Variants in NRCAM observed in about 807,000 individuals in gnomAD.
The protein encoded by NRCAM is neuronal cell adhesion molecule, also known as NgCAM-related cell adhesion molecule.
A neutral mutation model predicts 156.5 loss-of-function variants in NRCAM; 83 were observed. That is an observed-to-expected ratio of 0.53 (90% CI 0.44 to 0.64). The LOEUF (loss-of-function observed/expected upper bound fraction) is 0.64. NRCAM is among the 30% of genes least tolerant of loss of function. The probability of loss-of-function intolerance (pLI) is 0.00; values close to 1 mark genes in which losing one functional copy is unlikely to be tolerated. For missense variants in NRCAM, 1,417 were observed against 1,597.3 expected, an observed-to-expected ratio of 0.89 and a Z score of 1.92; for synonymous variants, 538 against 563.9, an observed-to-expected ratio of 0.95 and a Z score of 0.65.
chr7:108,392,966 G>C (rs190179508), intron 2 of NRCAM, among the ~76,000 whole-genome samples: 2 of 152,296 alleles, frequency 1.3e-5, no homozygotes, highest in East Asian at 3.9e-4. Context: ...TGGGGTGTCA[G>C]TCTGCCCCTA....
intron 2 of NRCAM, among the ~76,000 whole-genome samples, chr7:108,361,379 G>A (rs1253168228): frequency 6.6e-6 from 1 of 152,082 alleles, no homozygotes; most frequent in Non-Finnish European, 1.5e-5. Flanking sequence ...TGGATATTTT[G>A]GGATTAAATT....
intron 2 of NRCAM, among the ~76,000 whole-genome samples, chr7:108,355,865 G>A (rs746293932): frequency 1.3e-5 from 2 of 152,036 alleles, no homozygotes; most frequent in Non-Finnish European, 2.9e-5. Flanking sequence ...TACTCACCTC[G>A]CTTCATCACA....
intron 1 of NRCAM, among the ~76,000 whole-genome samples, chr7:108,426,297 G>C (rs1817197924): frequency 6.6e-6 from 1 of 152,184 alleles, no homozygotes; most frequent in Non-Finnish European, 1.5e-5. Flanking sequence ...ATGTTACATG[G>C]GGACAATAAA....
intron 3 of NRCAM, among the ~76,000 whole-genome samples, chr7:108,285,375 CA>C (rs149337275): frequency 0.014 from 2,123 of 152,254 alleles, 45 homozygotes; most frequent in African/African-American, 0.048. Flanking sequence ...CTGGCTCTAT[CA>C]GGGGGTACTA....
intron 1 of NRCAM, among the ~76,000 whole-genome samples, chr7:108,404,528 G>A (rs747517309): frequency 5.3e-5 from 8 of 152,140 alleles, no homozygotes; most frequent in Non-Finnish European, 1.2e-4. Flanking sequence ...ATCATAGCTA[G>A]TAGGTGGCAA....
At chr7:108,252,464 G>C (rs1043974562) in intron 3 of NRCAM, among the ~76,000 whole-genome samples, 2 of 152,192 alleles carry the variant, frequency 1.3e-5, no homozygotes, top group African/African-American at 4.8e-5. Context: ...GCCTTGCAGA[G>C]AAAACAGTTT....
intron 2 of NRCAM, among the ~76,000 whole-genome samples, chr7:108,351,553 T>C (rs374655619): frequency 6.6e-6 from 1 of 152,174 alleles, no homozygotes; most frequent in Non-Finnish European, 1.5e-5. Flanking sequence ...CCACTGAGTA[T>C]AAGATTTGGG....
At chr7:108,164,233 G>C (rs549884903) in intron 30 of NRCAM, among the ~76,000 whole-genome samples, 1 of 149,664 alleles carries the variant, frequency 6.7e-6, no homozygotes, top group African/African-American at 2.5e-5. Flanking sequence ...ACCAGGTGGG[G>C]TGGGGTAATG....
chr7:108,211,459 T>C lies in NRCAM; in HGVS notation c.891-1854A>G, dbSNP rs145235392. Among the ~76,000 whole-genome samples the C allele has an allele frequency of 1.8e-3, 281 of 152,318 alleles. 9 individuals carry two copies. In the East Asian group the frequency reaches 0.045, roughly 25 times the overall value. ...GGGGAAGAACTAAGCCCTTTTCTTT[T>C]GCCGCTGGGAGGTGGATAGTCTGGG... On this transcript the variant is annotated intron_variant, in intron 11 of 32. Transcript: ENST00000379028.
At chr7:108,308,321 A>G (rs2098749090) in intron 3 of NRCAM, among the ~76,000 whole-genome samples, 1 of 152,212 alleles carries the variant, frequency 6.6e-6, no homozygotes, top group Non-Finnish European at 1.5e-5. Flanking sequence ...TCTGATTCTA[A>G]TAATCCCAGA....
At chr7:108,295,246 T>G (rs1468107262) in intron 3 of NRCAM, among the ~76,000 whole-genome samples, 1 of 152,218 alleles carries the variant, frequency 6.6e-6, no homozygotes, top group Non-Finnish European at 1.5e-5. Context: ...TATGTTAACT[T>G]TTTTACACCT....
intron 3 of NRCAM, among the ~76,000 whole-genome samples, chr7:108,290,806 C>T (rs989539956): frequency 7.9e-5 from 12 of 152,174 alleles, no homozygotes; most frequent in African/African-American, 2.9e-4. Context: ...TCTATTCTTT[C>T]AGGGTTCTGA....
At chr7:108,334,942 A>G (rs1234105263) in intron 2 of NRCAM, among the ~76,000 whole-genome samples, 1 of 152,230 alleles carries the variant, frequency 6.6e-6, no homozygotes, top group Non-Finnish European at 1.5e-5. Flanking sequence ...TCTTTATATT[A>G]TATTAAGACA....
chr7:108,334,882 A>T (rs1333968958), intron 2 of NRCAM, among the ~76,000 whole-genome samples: 3 of 152,260 alleles, frequency 2.0e-5, no homozygotes, highest in Non-Finnish European at 4.4e-5. Flanking sequence ...AAGATGAGAA[A>T]TGAGAACTAA....
chr7:108,194,662 T>G (rs771002295), intron 15 of NRCAM, among the ~76,000 whole-genome samples: 6 of 152,192 alleles, frequency 3.9e-5, no homozygotes, highest in Admixed American at 6.5e-5. Flanking sequence ...TCTGTTACCT[T>G]CACTAGGAAA....
intron 2 of NRCAM, among the ~76,000 whole-genome samples, chr7:108,349,828 C>T (rs1053144832): frequency 1.3e-5 from 2 of 152,104 alleles, no homozygotes; most frequent in African/African-American, 4.8e-5. Flanking sequence ...GAGGTCATAG[C>T]GATCATTTAA....
At chr7:108,232,610 A>G in intron 6 of NRCAM, 88 bp from the exon 7 acceptor site, 1 of 857,512 alleles carries the variant, frequency 1.2e-6, no homozygotes. Context: ...ATGGGTTTCT[A>G]GAAATAATTA....
intron 11 of NRCAM, among the ~76,000 whole-genome samples, chr7:108,210,981 T>C (rs187318912): frequency 3.3e-5 from 5 of 152,212 alleles, no homozygotes; most frequent in African/African-American, 1.2e-4. Context: ...CAGAGCAGCA[T>C]GTGGAGGCTT....
rs533836468 is a variant in NRCAM at position 108,287,674 on chromosome 7, C to T, written c.-107+24991G>A. On this transcript the variant is annotated intron_variant, in intron 3 of 32. Transcript: ENST00000379028. ...ATAACACATGAGATACCATCTAACA[C>T]CCAGTCAGAATGGCTATTATTAAAA... 9.9e-5 allele frequency among the ~76,000 whole-genome samples: 15 copies of T among 151,820 alleles called. No individual in the cohort carries two copies. The South Asian group carries it at 3.1e-3, about 32-fold the overall frequency.
Sources: allele counts gnomAD v4.1 joint callset (sites outside exome capture counted in the v4.1 genomes callset), GRCh38; gene constraint gnomAD v4.1.1; transcripts MANE v1.5; gene names NCBI Gene and HGNC (gene_info 2026-07-23, HGNC 2026-07-21).